UBE2V1: variants seen among roughly 807,000 people sequenced by gnomAD.
The protein encoded by UBE2V1 is ubiquitin-conjugating enzyme E2 variant 1.
Under a neutral mutation model 19.6 loss-of-function variants are expected in UBE2V1, and 15 were observed. That is an observed-to-expected ratio of 0.77 (90% CI 0.51 to 1.18). The LOEUF (loss-of-function observed/expected upper bound fraction) is 1.18. UBE2V1 is among the 50% of genes most tolerant of loss of function. UBE2V1 has a pLI of 0.00. For missense variants in UBE2V1, 125 were observed against 184.8 expected, an observed-to-expected ratio of 0.68 and a Z score of 1.88; for synonymous variants, 60 against 60.7, an observed-to-expected ratio of 0.99 and a Z score of 0.05.
chr20:50,097,293 T>C (rs1239796381), intron 1 of UBE2V1, among the ~76,000 whole-genome samples: 1 of 152,234 alleles, frequency 6.6e-6, no homozygotes, highest in South Asian at 2.1e-4. Context: ...GGTATCCTCT[T>C]AATCAACTAA....
At chr20:50,113,213 ACGCACATACGCCGCCGCTGACGCC>A, upstream of UBE2V1, 1 of 1,047,564 alleles carries the variant, frequency 9.5e-7, no homozygotes, top group Non-Finnish European at 1.2e-6. Context: ...GCGCGCGCGC[ACGCACATACGCCGCCGCTGACGCC>A]CGCCCCGGAG....
chr20:50,098,875 A>C (rs1050608790), intron 1 of UBE2V1: 2 of 976,570 alleles, frequency 2.0e-6, no homozygotes, highest in African/African-American at 3.5e-5. Context: ...AAAACCTGCA[A>C]GCATACTTGA....
At chr20:50,087,064 G>A (rs1460129487) in intron 2 of UBE2V1, among the ~76,000 whole-genome samples, 1 of 151,888 alleles carries the variant, frequency 6.6e-6, no homozygotes, top group Non-Finnish European at 1.5e-5. Context: ...GCGACAGTGC[G>A]AGACTCCATC....
intron 1 of UBE2V1, among the ~76,000 whole-genome samples, 190 bp from the exon 2 acceptor site, chr20:50,097,010 G>A (rs1028183145): frequency 6.6e-6 from 1 of 152,122 alleles, no homozygotes; most frequent in African/African-American, 2.4e-5. Context: ...AGAGGGAAGG[G>A]GCACATGGTT....
At position 50,096,437 on chromosome 20, in the gene UBE2V1, T is replaced by C. The variant is rs193061080; in HGVS notation, c.171+235A>G. The C allele has an allele frequency of 1.1e-3, 1,127 of 1,032,190 alleles. 15 individuals carry two copies. Among genetic ancestry groups the C allele is most frequent in the Non-Finnish European group, 2.0e-4 (145 of 724,590 alleles). 63.9% of individuals were successfully genotyped at this position (1,032,190 alleles called of 1,614,324 possible). Reference sequence around the variant, plus strand: ...ATGACTTCACACCTCACTGTCTACATTGTCATATAAATTCACACTATGAGT... The same window carrying C: ...ATGACTTCACACCTCACTGTCTACACTGTCATATAAATTCACACTATGAGT... On this transcript the variant is annotated intron_variant, in intron 2 of 3. Coordinates refer to ENST00000371674, the MANE Select transcript of UBE2V1 (RefSeq NM_001032288.3).
upstream of UBE2V1, among the ~76,000 whole-genome samples, chr20:50,113,855 G>A (rs6091097): frequency 6.6e-6 from 1 of 152,146 alleles, no homozygotes; most frequent in African/African-American, 2.4e-5. Flanking sequence ...ACCAGACACT[G>A]TGCTAGGCGC....
In UBE2V1 at chr20:50,108,943, C is replaced by T. The variant is rs978917696; in HGVS notation, c.22+4164G>A. On this transcript the variant is annotated intron_variant, in intron 1 of 3. Transcript: ENST00000371674. ...CTCTCCAAGATTAAACACTCCAAGA[C>T]TTAGGAAGAACATATCCCTAAATCC... is the stretch of plus-strand genomic sequence containing the variant. The T allele has an allele frequency of 6.7e-5, 66 of 985,304 alleles. No homozygotes were observed. In the African/African-American group the frequency reaches 1.0e-3, roughly 15 times the overall value. The allele number at this position is 985,304 out of a possible 1,614,324, so 61.0% of individuals were successfully genotyped here.
intron 2 of UBE2V1, among the ~76,000 whole-genome samples, chr20:50,088,039 G>A (rs2079020554): frequency 6.6e-6 from 1 of 150,776 alleles, no homozygotes; most frequent in South Asian, 2.1e-4. Context: ...CCCAGAGCCT[G>A]GAGATTATAA....
At chr20:50,109,545 T>C (rs2080608634) in intron 1 of UBE2V1, among the ~76,000 whole-genome samples, 1 of 151,962 alleles carries the variant, frequency 6.6e-6, no homozygotes, top group Non-Finnish European at 1.5e-5. Context: ...GGTCAGGAGT[T>C]TGAGACCAGA....
chr20:50,111,018 A>G (rs544520165), intron 1 of UBE2V1, among the ~76,000 whole-genome samples: 1 of 152,270 alleles, frequency 6.6e-6, no homozygotes, highest in East Asian at 1.9e-4. Context: ...AAATTGTCTT[A>G]TTTACTCCTT....
chr20:50,102,674 G>A (rs886850827), intron 1 of UBE2V1, among the ~76,000 whole-genome samples: 2 of 152,134 alleles, frequency 1.3e-5, no homozygotes, highest in Non-Finnish European at 2.9e-5. Context: ...TTACAGGTGT[G>A]AGCCACCGTG....
chr20:50,096,892 C>T lies in UBE2V1; in HGVS notation c.23-72G>A. 2 of 1,584,494 alleles carry T rather than the reference C, an allele frequency of 1.3e-6. 1 individual carries two copies. The highest frequency in any genetic ancestry group is 2.3e-5 in the South Asian group (2 of 86,772). On this transcript the variant is annotated intron_variant, in intron 1 of 3. Transcript: ENST00000371674. ...ACTTGTAAGCCTAGAGCTAGCTGCT[C>T]ATTATCTCTCCCTGGGAATCAAGAT...
At position 50,113,101 on chromosome 20, in the gene UBE2V1, G is replaced by C; in HGVS notation, c.22+6C>G. On this transcript the variant is annotated splice_donor_region_variant and intron_variant, in intron 1 of 3. Transcript: ENST00000371674. Reference sequence around the variant, plus strand: ...TCGGCCGGCCGGGCCCGGCGCCCCCGCTCACCCGAGCCCGTGGTGGCTGCC... The same window carrying C: ...TCGGCCGGCCGGGCCCGGCGCCCCCCCTCACCCGAGCCCGTGGTGGCTGCC... The C allele has an allele frequency of 7.7e-7, 1 of 1,301,672 alleles. No individual in the cohort carries two copies. 80.6% of individuals were successfully genotyped at this position (1,301,672 alleles called of 1,614,324 possible). A position where few individuals can be genotyped will look rare whatever the true frequency, so the allele number is the denominator to read the frequency against.
Position 50,104,239 on chromosome 20 carries a change from G to A in UBE2V1, c.23-7419C>T, listed in dbSNP as rs1434109169. 11 of 900,618 alleles carry A rather than the reference G, an allele frequency of 1.2e-5. No homozygotes were observed. The South Asian group carries it at 2.1e-4, about 17-fold the overall frequency. The allele number at this position is 900,618 out of a possible 1,614,324, so 55.8% of individuals were successfully genotyped here. On this transcript the variant is annotated intron_variant, in intron 1 of 3. Transcript: ENST00000371674. The stretch of plus-strand genomic sequence containing the variant: ...GGAGGTTACAGTGAGCCGAGATCGC[G>A]CCACGGCACTCCAGCCTGGCAATAG...
intron 1 of UBE2V1, among the ~76,000 whole-genome samples, chr20:50,103,303 T>C (rs2080130445): frequency 6.6e-6 from 1 of 152,114 alleles, no homozygotes; most frequent in Non-Finnish European, 1.5e-5. Context: ...TCTAATCTGG[T>C]TTATTTTTGA....
chr20:50,104,275 C>T lies in UBE2V1; in HGVS notation c.23-7455G>A, dbSNP rs1026842588. Reference sequence around the variant, plus strand: ...CCAGCCTGGCAATAGGGCCAGACTCCGTCTCAAAAAAAAAAAAAAAAAAGG... The same window carrying T: ...CCAGCCTGGCAATAGGGCCAGACTCTGTCTCAAAAAAAAAAAAAAAAAAGG... On this transcript the variant is annotated intron_variant, in intron 1 of 3. Coordinates refer to ENST00000371674, the MANE Select transcript of UBE2V1 (RefSeq NM_001032288.3). 1.1e-5 allele frequency: 10 copies of T among 928,948 alleles called. No individual in the cohort carries two copies. The African/African-American group carries it at 1.4e-4, about 13-fold the overall frequency. The allele number at this position is 928,948 out of a possible 1,614,324, so 57.5% of individuals were successfully genotyped here.
At chr20:50,113,036 C>T in intron 1 of UBE2V1, 71 bp downstream of exon 1, 1 of 664,952 alleles carries the variant, frequency 1.5e-6, no homozygotes, top group Non-Finnish European at 2.2e-6. Flanking sequence ...CTGCAGGAGG[C>T]TTTGAGGGTC....
intron 2 of UBE2V1, chr20:50,084,646 A>ATGTT: frequency 2.3e-6 from 1 of 431,038 alleles, no homozygotes; most frequent in Non-Finnish European, 4.6e-6. Context: ...GTTAAATAAC[A>ATGTT]CTATGTGGTA....
upstream of UBE2V1, chr20:50,115,549 G>A (rs779860088): frequency 6.3e-7 from 1 of 1,586,030 alleles, no homozygotes; most frequent in Non-Finnish European, 8.6e-7. Context: ...GTGACTTCAG[G>A]TAAGACGCTT....
Sources: gnomAD v4.1 joint callset for allele counts (sites outside exome capture counted in the v4.1 genomes callset) on GRCh38, gnomAD v4.1.1 for gene constraint, MANE v1.5 for transcripts, NCBI Gene and HGNC (gene_info 2026-07-23, HGNC 2026-07-21) for gene names.